The following FARS2 variants were observed in gnomAD, a reference collection of about 807,000 sequenced individuals.
FARS2 encodes phenylalanyl-tRNA synthetase 2, mitochondrial, also known as phenylalanine--tRNA ligase, mitochondrial.
A neutral mutation model predicts 46.4 loss-of-function variants in FARS2; 40 were observed. That is an observed-to-expected ratio of 0.86 (90% CI 0.67 to 1.12). FARS2 has a LOEUF of 1.12. Among genes scored for constraint, FARS2 ranks in the 50% most tolerant of loss-of-function variants. The pLI is 0.00. For missense variants in FARS2, 513 were observed against 567.9 expected (o/e 0.90, Z 0.98); for synonymous variants, 234 against 214.9 (o/e 1.09, Z -0.78).
intron 4 of FARS2, among the ~76,000 whole-genome samples, chr6:5,453,769 A>G (rs1295415381): frequency 6.6e-6 from 1 of 152,156 alleles, no homozygotes; most frequent in Non-Finnish European, 1.5e-5. Context: ...GTATGTAGGA[A>G]TTTTTGAAGG....
chr6:5,332,268 C>T (rs917983915), intron 1 of FARS2, among the ~76,000 whole-genome samples: 1 of 152,196 alleles, frequency 6.6e-6, no homozygotes, highest in African/African-American at 2.4e-5. Context: ...TGAAGCCACG[C>T]ACTTTGCAGG....
At chr6:5,455,982 C>T (rs963843276) in intron 4 of FARS2, among the ~76,000 whole-genome samples, 1 of 152,150 alleles carries the variant, frequency 6.6e-6, no homozygotes, top group African/African-American at 2.4e-5. Flanking sequence ...TTTGAGAGGC[C>T]AAGTCAAGCA....
At chr6:5,600,419 T>C (rs1283074883) in intron 5 of FARS2, among the ~76,000 whole-genome samples, 1 of 152,128 alleles carries the variant, frequency 6.6e-6, no homozygotes, top group Non-Finnish European at 1.5e-5. Context: ...TCAGTGAAAG[T>C]AAGAATAAAA....
intron 1 of FARS2, among the ~76,000 whole-genome samples, chr6:5,296,235 G>A (rs143995340): frequency 0.014 from 2,023 of 143,358 alleles, 39 homozygotes; most frequent in African/African-American, 0.05. Flanking sequence ...TCCGCCTCCC[G>A]GGTTCACACC....
rs936484662 is a variant in FARS2 at position 5,765,178 on chromosome 6, C to G, written c.1218-6113C>G. Among the ~76,000 whole-genome samples, 8 of 152,366 alleles carry G rather than the reference C, an allele frequency of 5.3e-5. No individual in the cohort carries two copies. Among genetic ancestry groups the G allele is most frequent in the African/African-American group, 1.9e-4 (8 of 41,596 alleles). On this transcript the variant is annotated intron_variant, in intron 6 of 6. Transcript: ENST00000274680. This position sits in a 1 kb window ranked among gnomAD's most constrained non-coding sequence, Gnocchi z 4.0. ...TTGCATTCTGCCGTCCAGCCCAGCT[C>G]TCCCATTGGCCCACACGGGGCTGCC... is the stretch of plus-strand genomic sequence containing the variant.
At chr6:5,449,139 A>G (rs542588677) in intron 4 of FARS2, among the ~76,000 whole-genome samples, 1 of 152,148 alleles carries the variant, frequency 6.6e-6, no homozygotes, top group Non-Finnish European at 1.5e-5. Context: ...ACTTGAGGTC[A>G]GGAGTTCCAG....
intron 1 of FARS2, among the ~76,000 whole-genome samples, chr6:5,309,810 G>A (rs1424081089): frequency 6.6e-6 from 1 of 152,154 alleles, no homozygotes; most frequent in African/African-American, 2.4e-5. Flanking sequence ...GGGCAACAGA[G>A]TTTTGTTGCT....
chr6:5,351,353 A>T (rs1283630674), intron 1 of FARS2, among the ~76,000 whole-genome samples: 1 of 152,234 alleles, frequency 6.6e-6, no homozygotes. Context: ...GGACAGGGAG[A>T]TATAAAACTA....
intron 4 of FARS2, among the ~76,000 whole-genome samples, chr6:5,487,136 G>A (rs1166660629): frequency 6.6e-6 from 1 of 152,210 alleles, no homozygotes; most frequent in African/African-American, 2.4e-5. Flanking sequence ...CTTATACAGA[G>A]AAGGTTTTTC....
intron 4 of FARS2, among the ~76,000 whole-genome samples, chr6:5,528,336 C>T (rs181833493): frequency 1.3e-3 from 203 of 152,162 alleles, no homozygotes; most frequent in African/African-American, 4.7e-3. Flanking sequence ...GCCTAGTTCA[C>T]CTTGAAAACC....
chr6:5,279,552 A>G (rs1419776115), intron 1 of FARS2, among the ~76,000 whole-genome samples: 1 of 149,036 alleles, frequency 6.7e-6, no homozygotes, highest in Non-Finnish European at 1.5e-5. Flanking sequence ...AATAAAAAAT[A>G]TAAATGTGTG....
chr6:5,649,313 A>C (rs1239139875), intron 6 of FARS2, among the ~76,000 whole-genome samples: 2 of 152,172 alleles, frequency 1.3e-5, no homozygotes, highest in African/African-American at 4.8e-5. Flanking sequence ...ATATAAATAG[A>C]TCATTTATCT....
intron 1 of FARS2, among the ~76,000 whole-genome samples, chr6:5,281,624 C>T (rs1766729642): frequency 6.6e-6 from 1 of 151,498 alleles, no homozygotes; most frequent in South Asian, 2.1e-4. Flanking sequence ...GCTCCCCATT[C>T]TCCCACCCCC....
chr6:5,443,873 A>G (rs1763979636), intron 4 of FARS2, among the ~76,000 whole-genome samples: 1 of 152,168 alleles, frequency 6.6e-6, no homozygotes, highest in Non-Finnish European at 1.5e-5. Context: ...TATTTCTCTC[A>G]AGTATTTCCT....
intron 4 of FARS2, among the ~76,000 whole-genome samples, chr6:5,446,079 T>TGA (rs1455377007): frequency 2.0e-5 from 3 of 152,100 alleles, no homozygotes; most frequent in Middle Eastern, 3.4e-3. Context: ...GGCGGGCACC[T>TGA]GTAGTCCCAG....
In FARS2 at chr6:5,597,521, A is replaced by T. The variant is rs75611513; in HGVS notation, c.1066-15648A>T. Among the ~76,000 whole-genome samples, 1,192 of 152,288 alleles carry T rather than the reference A, an allele frequency of 7.8e-3. 7 individuals are homozygous for T. The highest frequency in any genetic ancestry group is 0.016 in the South Asian group (75 of 4,824). On this transcript the variant is annotated intron_variant, in intron 5 of 6. Transcript: ENST00000274680. ...GTTCTTTTCTCTGGTCTGATGTTTG[A>T]GTTCTGCAGGCCACCGCCTGAGCTC...
rs1554106819 is a variant in FARS2 at position 5,539,384 on chromosome 6, G to GTATATATATATATATATATATATA, written c.905-5781_905-5780insATATATATATATATATATATATAT. 2.8e-3 allele frequency among the ~76,000 whole-genome samples: 223 copies of GTATATATATATATATATATATATA among 79,500 alleles called. 3 individuals carry two copies. The highest frequency in any genetic ancestry group is 8.7e-3 in the African/African-American group (188 of 21,580). The allele number at this position is 79,500 out of a possible 152,430, so 52.2% of individuals were successfully genotyped here. ...ACCATGCCCACCTAATTTTTTTTGT[G>GTATATATATATATATATATATATA]TATATATATATATATGTATATATTT... On this transcript the variant is annotated intron_variant, in intron 4 of 6. Transcript: ENST00000274680.
chr6:5,592,983 GCTT>G (rs1371966942), intron 5 of FARS2, among the ~76,000 whole-genome samples: 1 of 152,152 alleles, frequency 6.6e-6, no homozygotes. Context: ...GGCGATCGGC[GCTT>G]CTTCTCTCTC....
At chr6:5,655,844 G>C (rs1443094792) in intron 6 of FARS2, among the ~76,000 whole-genome samples, 1 of 152,224 alleles carries the variant, frequency 6.6e-6, no homozygotes, top group East Asian at 1.9e-4. Context: ...TTAAAACTCA[G>C]CTGGTTGTTT....
Sources: allele counts gnomAD v4.1 joint callset (sites outside exome capture counted in the v4.1 genomes callset), GRCh38; gene constraint gnomAD v4.1.1; non-coding constraint Gnocchi (gnomAD v3.1); transcripts MANE v1.5; gene names NCBI Gene and HGNC (gene_info 2026-07-23, HGNC 2026-07-21).